The following SPOCD1 variants were observed in gnomAD, a reference collection of about 807,000 sequenced individuals.
The protein encoded by SPOCD1 is SPOC domain-containing protein 1.
SPOCD1 carries 64 observed loss-of-function variants against 92.2 expected under a neutral mutation model. The ratio of observed to expected loss-of-function variants is 0.69; its 90% CI spans 0.57 to 0.86. SPOCD1 has a LOEUF of 0.86. Among genes scored for constraint, SPOCD1 ranks in the 40% least tolerant of loss-of-function variants. The probability of loss-of-function intolerance (pLI) is 0.00; values close to 1 mark genes in which losing one functional copy is unlikely to be tolerated. For synonymous variants in SPOCD1, 578 were observed against 619.3 expected (o/e 0.93, Z 0.99); for missense variants, 1,360 against 1,543.1 (o/e 0.88, Z 1.99).
intron 15 of SPOCD1, among the ~76,000 whole-genome samples, chr1:31,791,649 C>G (rs1396836305): frequency 6.6e-6 from 1 of 152,212 alleles, no homozygotes; most frequent in African/African-American, 2.4e-5. Flanking sequence ...AGCTCGGCCC[C>G]CCGTGGCTGT....
intron 10 of SPOCD1, chr1:31,795,640 A>T (rs1017789254): frequency 2.0e-5 from 3 of 152,036 alleles, no homozygotes; most frequent in African/African-American, 7.3e-5. Context: ...CCCCTTAGGG[A>T]TCCTCTTGGC....
chr1:31,797,164 TATA>T (rs1257671213), intron 9 of SPOCD1, among the ~76,000 whole-genome samples: 2 of 152,206 alleles, frequency 1.3e-5, no homozygotes, highest in African/African-American at 4.8e-5. Flanking sequence ...TTAAACAACA[TATA>T]TAGAGTGCTT....
intron 10 of SPOCD1, chr1:31,795,243 G>T (rs1647925088): frequency 6.6e-6 from 1 of 152,216 alleles, no homozygotes; most frequent in Non-Finnish European, 1.5e-5. Flanking sequence ...GGTTTAAAGA[G>T]ATTTTGAAAC....
At chr1:31,806,755 A>G (rs763210105) in intron 2 of SPOCD1, among the ~76,000 whole-genome samples, 19 of 152,068 alleles carry the variant, frequency 1.2e-4, no homozygotes, top group Non-Finnish European at 2.2e-4. Context: ...GGGTTTCACT[A>G]TGTTGGCCAG....
intron 11 of SPOCD1, 90 bp downstream of exon 11, chr1:31,794,034 C>T: frequency 6.6e-7 from 1 of 1,517,590 alleles, no homozygotes; most frequent in Non-Finnish European, 9.0e-7. Flanking sequence ...GCCACCCTCT[C>T]CCCAGGCCAC....
rs369922987 is a variant in SPOCD1, at chr1:31,793,305, G to A, written c.2658C>T (p.Val886=). Reference sequence around the variant, plus strand: ...GGACAAGCCGACAGCTGTGTCCCGAGACCAGCTGGGCCCTGGCCCGGAACC... The same window carrying A: ...GGACAAGCCGACAGCTGTGTCCCGAAACCAGCTGGGCCCTGGCCCGGAACC... ...IKRFRARAQL[V]SGHSCRLVQA... The change falls in exon 13 of 16, where the codon GTC becomes GTT. Residue 886 remains valine, a synonymous_variant. Transcript: ENST00000360482. 127 of 1,593,582 alleles carry A rather than the reference G, an allele frequency of 8.0e-5. No homozygotes were observed. Among genetic ancestry groups the A allele is most frequent in the Non-Finnish European group, 1.1e-4 (127 of 1,170,194 alleles).
chr1:31,810,877 T>C (rs1486499317), intron 2 of SPOCD1, among the ~76,000 whole-genome samples: 1 of 152,182 alleles, frequency 6.6e-6, no homozygotes, highest in Non-Finnish European at 1.5e-5. Flanking sequence ...TGGTTATGAC[T>C]GGTGGAATGT....
chr1:31,790,824 A>G lies in SPOCD1; in HGVS notation c.3430T>C (p.Cys1144Arg). ...GRGQHFHRDS[C>R]PHQALLRHLE... ...TGCCGGAGCAGGGCTTGGTGGGGAC[A>G]GGAGTCCCTGTGGAAGTGCTGGCCA... The change falls in exon 16 of 16, where the codon TGT (cysteine) becomes CGT (arginine). Residue 1144 changes from cysteine (C) to arginine (R), a missense_variant. Cys to Arg is a radical substitution (Grantham distance 180). Coordinates refer to ENST00000360482, the MANE Select transcript of SPOCD1 (RefSeq NM_144569.7). 6.5e-7 allele frequency: 1 copy of G among 1,539,472 alleles called. No homozygotes were observed. The highest frequency in any genetic ancestry group is 1.2e-5 in the South Asian group (1 of 81,120).
At chr1:31,807,009 G>C (rs555336410) in intron 2 of SPOCD1, among the ~76,000 whole-genome samples, 2 of 152,202 alleles carry the variant, frequency 1.3e-5, no homozygotes, top group Admixed American at 6.5e-5. Context: ...GGATAACTCA[G>C]ATAAAGACCA....
chr1:31,814,279 T>A lies in SPOCD1; in HGVS notation c.1055A>T (p.Asp352Val), dbSNP rs75955801. ...GTCCTGTGCTGGAGCCTGGCCTTCA[T>A]CGCTGCCAGTCCGCACGACACACAC... ...EAVCVVRTGS[D>V]EGQAPAQDQE... is the part of the protein sequence containing the mutation. The change falls in exon 2 of 16, where the codon GAT becomes GTT. Residue 352 changes from aspartate (D) to valine (V), a missense_variant. Transcript: ENST00000360482. This position sits in a 1 kb window ranked among gnomAD's most constrained non-coding sequence, Gnocchi z 4.2. 1.4e-5 allele frequency: 22 copies of A among 1,578,600 alleles called. No individual in the cohort carries two copies. In the East Asian group the frequency reaches 5.0e-4, roughly 36 times the overall value.
chr1:31,811,517 GA>G (rs1202305524), intron 2 of SPOCD1, among the ~76,000 whole-genome samples: 4 of 151,156 alleles, frequency 2.6e-5, no homozygotes, highest in East Asian at 1.9e-4. Flanking sequence ...AAGAAAGGAA[GA>G]AAAAAAAGTT....
intron 13 of SPOCD1, among the ~76,000 whole-genome samples, chr1:31,792,988 T>C (rs546609146): frequency 6.6e-6 from 1 of 152,270 alleles, no homozygotes; most frequent in African/African-American, 2.4e-5. Flanking sequence ...CCCTCCTCTA[T>C]CCTCTGCTCT....
intron 2 of SPOCD1, among the ~76,000 whole-genome samples, chr1:31,812,438 C>T (rs888938499): frequency 6.6e-6 from 1 of 152,132 alleles, no homozygotes; most frequent in Non-Finnish European, 1.5e-5. Flanking sequence ...CAAGGTGAAC[C>T]CACTGGGAAA....
chr1:31,801,584 CT>C, intron 3 of SPOCD1, 79 bp downstream of exon 3: 1 of 1,298,136 alleles, frequency 7.7e-7, no homozygotes. Context: ...ATCTCCACAT[CT>C]ACTGTGGAGG....
In SPOCD1 at chr1:31,798,098, T is replaced by C. The variant is rs964022121; in HGVS notation, c.2145+109A>G. ...CTCTGTTTCCTTGTTTCTGTCTTTC[T>C]GAATTCCTCCTCCCTCCCTCCCTGT... On this transcript the variant is annotated intron_variant, in intron 9 of 15. Coordinates refer to ENST00000360482, the MANE Select transcript of SPOCD1 (RefSeq NM_144569.7). The surrounding 1 kb of genome is among the most constrained non-coding windows in gnomAD (Gnocchi z 4.1). 2.4e-6 allele frequency: 2 copies of C among 823,652 alleles called. No individual in the cohort carries two copies. Among genetic ancestry groups the C allele is most frequent in the Non-Finnish European group, 4.1e-6 (2 of 483,234 alleles). 51.0% of individuals were successfully genotyped at this position (823,652 alleles called of 1,614,324 possible).
Position 31,809,347 on chromosome 1 carries a change from T to C in SPOCD1, c.1383+4604A>G, listed in dbSNP as rs369387274. 7.9e-5 allele frequency among the ~76,000 whole-genome samples: 12 copies of C among 152,268 alleles called. No homozygotes were observed. In the East Asian group the frequency reaches 1.2e-3, roughly 15 times the overall value. On this transcript the variant is annotated intron_variant, in intron 2 of 15. Transcript: ENST00000360482. Reference sequence around the variant, plus strand: ...AGATGTGAAGTCACCAGAATATTCATACACTGCTGATGGGGGTGTATACTA... The same window carrying C: ...AGATGTGAAGTCACCAGAATATTCACACACTGCTGATGGGGGTGTATACTA...
Position 31,799,429 on chromosome 1 carries a change from G to A in SPOCD1, c.1840C>T (p.Arg614Cys), listed in dbSNP as rs772011977. The A allele has an allele frequency of 2.3e-5, 37 of 1,611,422 alleles. No homozygotes were observed. Among genetic ancestry groups the A allele is most frequent in the Admixed American group, 6.7e-5 (4 of 59,684 alleles). The change falls in exon 7 of 16, where the codon CGT becomes TGT. Residue 614 changes from arginine (R) to cysteine (C), a missense_variant. Coordinates refer to ENST00000360482, the MANE Select transcript of SPOCD1 (RefSeq NM_144569.7). ...LYIGVRGTVV[R>C]SMQEVLWTRL... ...GTCCATAGTACCTCCTGCATGGAAC[G>A]GACAACAGTGCCCCGCACCCCAATA... is the stretch of plus-strand genomic sequence containing the variant.
In SPOCD1 at chr1:31,801,665, T is replaced by C; in HGVS notation, c.1424A>G (p.Tyr475Cys). 1 of 1,613,634 alleles carries C rather than the reference T, an allele frequency of 6.2e-7. No individual in the cohort carries two copies. Among genetic ancestry groups the C allele is most frequent in the Non-Finnish European group, 8.5e-7 (1 of 1,179,674 alleles). The change falls in exon 3 of 16, where the codon TAC (tyrosine) becomes TGC (cysteine). Residue 475 changes from tyrosine (Y) to cysteine (C), a missense_variant and splice_region_variant. Coordinates refer to ENST00000360482, the MANE Select transcript of SPOCD1 (RefSeq NM_144569.7). ...CAATAATAAAATGTAAAAACCTACGTAGCACACAAGCTTCACTCCATGGGG... is the reference window on the plus strand; with the variant it reads ...CAATAATAAAATGTAAAAACCTACGCAGCACACAAGCTTCACTCCATGGGG... ...KIPHGVKLVC[Y>C]LGSGPVIQLL...
Position 31,814,294 on chromosome 1 carries a change from A to G in SPOCD1, c.1040T>C (p.Val347Ala), listed in dbSNP as rs1649398859. The G allele has an allele frequency of 1.3e-6, 2 of 1,577,116 alleles. No individual in the cohort carries two copies. Among genetic ancestry groups the G allele is most frequent in the South Asian group, 2.3e-5 (2 of 87,180 alleles). ...SAEQQEAVCV[V>A]RTGSDEGQAP... ...CTGGCCTTCATCGCTGCCAGTCCGC[A>G]CGACACACACAGCTTCTTGCTGCTC... is the stretch of plus-strand genomic sequence containing the variant. The change falls in exon 2 of 16, where the codon GTG (valine) becomes GCG (alanine). Residue 347 changes from valine (V) to alanine (A), a missense_variant. Around this residue, in one of 3 missense-constraint regions of SPOCD1, gnomAD observed 606 missense variants for 601.5 expected, o/e 1.01. Coordinates refer to ENST00000360482, the MANE Select transcript of SPOCD1 (RefSeq NM_144569.7). The surrounding 1 kb of genome is among the most constrained non-coding windows in gnomAD (Gnocchi z 4.2).
Sources: gnomAD v4.1 joint callset for allele counts (sites outside exome capture counted in the v4.1 genomes callset) on GRCh38, gnomAD v4.1.1 for gene constraint, gnomAD v4.1.1 regional missense constraint, Gnocchi (gnomAD v3.1) non-coding constraint, MANE v1.5 for transcripts, NCBI Gene and HGNC (gene_info 2026-07-23, HGNC 2026-07-21) for gene names.